ARHGAP22: variants seen among roughly 807,000 people sequenced by gnomAD.
ARHGAP22 encodes the protein Rho GTPase activating protein 22, also known as rho GTPase-activating protein 22.
ARHGAP22 carries 48 observed loss-of-function variants against 59.1 expected under a neutral mutation model. That is an observed-to-expected ratio of 0.81 (90% CI 0.64 to 1.03). The LOEUF is 1.03. Among genes scored for constraint, ARHGAP22 ranks in the 50% least tolerant of loss-of-function variants. The pLI, the probability that ARHGAP22 is intolerant of heterozygous loss-of-function variation, is 0.00. For missense variants in ARHGAP22, 1,015 were observed against 958.7 expected, an observed-to-expected ratio of 1.06 and a Z score of -0.78; for synonymous variants, 445 against 416.4, an observed-to-expected ratio of 1.07 and a Z score of -0.84.
At chr10:48,517,679 G>A (rs1165392080) in intron 3 of ARHGAP22, among the ~76,000 whole-genome samples, 1 of 152,068 alleles carries the variant, frequency 6.6e-6, no homozygotes, top group Non-Finnish European at 1.5e-5. Flanking sequence ...CCGGCTATGT[G>A]CTGTCGAGCC....
At chr10:48,620,677 T>A (rs971629362) in intron 1 of ARHGAP22, among the ~76,000 whole-genome samples, 73 of 152,134 alleles carry the variant, frequency 4.8e-4, no homozygotes, top group African/African-American at 1.6e-3. Flanking sequence ...CATGGGGAGA[T>A]GAACTGGCCC....
chr10:48,585,558 C>G (rs1002261666), intron 1 of ARHGAP22, among the ~76,000 whole-genome samples: 1 of 152,210 alleles, frequency 6.6e-6, no homozygotes. Flanking sequence ...GGCCCCTGCT[C>G]TGGAAGGGGT....
intron 3 of ARHGAP22, among the ~76,000 whole-genome samples, chr10:48,495,638 CT>C (rs144580660): frequency 0.34 from 51,975 of 152,134 alleles, 10,696 homozygotes; most frequent in Middle Eastern, 0.56. Context: ...CCCGGTGAAC[CT>C]TCCTCCTGGT....
upstream of ARHGAP22, among the ~76,000 whole-genome samples, chr10:48,607,736 T>C (rs930914219): frequency 2.6e-5 from 4 of 152,232 alleles, no homozygotes; most frequent in African/African-American, 9.6e-5. Flanking sequence ...CCTTCTCCAC[T>C]GCCCTGTGCC....
intron 2 of ARHGAP22, among the ~76,000 whole-genome samples, chr10:48,580,397 A>G (rs988429033): frequency 6.6e-6 from 1 of 152,170 alleles, no homozygotes; most frequent in African/African-American, 2.4e-5. Context: ...TTCAAGGTTC[A>G]CTATAAGGAA....
At chr10:48,489,065 C>T (rs1413814758) in intron 3 of ARHGAP22, among the ~76,000 whole-genome samples, 44 of 152,198 alleles carry the variant, frequency 2.9e-4, no homozygotes, top group Admixed American at 2.9e-3. Flanking sequence ...ATTTTGAAAG[C>T]ATTGTTTCAA....
rs200823559 is a variant in ARHGAP22 at position 48,602,457 on chromosome 10, G to GA, written c.34+2305dup. Among the ~76,000 whole-genome samples the GA allele has an allele frequency of 3.4e-3, 513 of 151,616 alleles. 1 individual carries two copies. The highest frequency in any genetic ancestry group is 5.7e-3 in the Non-Finnish European group (388 of 67,894). On this transcript the variant is annotated intron_variant, in intron 1 of 9. Transcript: ENST00000249601. Reference sequence around the variant, plus strand: ...TACGAGTTAAAAACAGGTACATCTAGAAAAAAAACCCACTCTAATATAAAA... The same window carrying GA: ...TACGAGTTAAAAACAGGTACATCTAGAAAAAAAAACCCACTCTAATATAAAA...
chr10:48,458,282 G>T (rs1244389029), intron 5 of ARHGAP22, among the ~76,000 whole-genome samples: 1 of 152,082 alleles, frequency 6.6e-6, no homozygotes, highest in Non-Finnish European at 1.5e-5. Flanking sequence ...CATAGGGAAG[G>T]CTGCCCCAGG....
intron 1 of ARHGAP22, among the ~76,000 whole-genome samples, chr10:48,622,514 T>A (rs2061319042): frequency 1.3e-5 from 2 of 152,348 alleles, no homozygotes; most frequent in African/African-American, 4.8e-5. Flanking sequence ...TTTCAATACA[T>A]GTATACAATG....
At chr10:48,492,140 G>A (rs2050462763) in intron 3 of ARHGAP22, among the ~76,000 whole-genome samples, 2 of 152,230 alleles carry the variant, frequency 1.3e-5, no homozygotes, top group African/African-American at 2.4e-5. Context: ...ACTGATATGT[G>A]TGAAAGCATT....
intron 2 of ARHGAP22, among the ~76,000 whole-genome samples, chr10:48,575,925 C>T (rs1010350560): frequency 3.3e-5 from 5 of 152,216 alleles, no homozygotes; most frequent in African/African-American, 1.2e-4. Flanking sequence ...CCAGCCTGGT[C>T]CTGGTCAGCC....
At chr10:48,456,357 C>T (rs914239981) in intron 5 of ARHGAP22, among the ~76,000 whole-genome samples, 19 of 152,178 alleles carry the variant, frequency 1.2e-4, no homozygotes, top group Non-Finnish European at 2.5e-4. Context: ...ACCTGGGGCC[C>T]CTCCTTGCCT....
At chr10:48,617,096 G>GT (rs76435975) in intron 1 of ARHGAP22, among the ~76,000 whole-genome samples, 56,552 of 151,688 alleles carry the variant, frequency 0.37, 11,421 homozygotes, top group African/African-American at 0.54. Flanking sequence ...TAGAAAAAAA[G>GT]TTTTGTAATA....
At chr10:48,531,852 G>GT (rs1263569960) in intron 3 of ARHGAP22, among the ~76,000 whole-genome samples, 1 of 152,204 alleles carries the variant, frequency 6.6e-6, no homozygotes, top group Non-Finnish European at 1.5e-5. Context: ...AAGATGGCCT[G>GT]TGGGACAAAG....
chr10:48,599,520 A>G (rs2060260488), intron 1 of ARHGAP22, among the ~76,000 whole-genome samples: 1 of 152,254 alleles, frequency 6.6e-6, no homozygotes, highest in South Asian at 2.1e-4. Context: ...AGTGTTTGGA[A>G]TAGCCAATCT....
upstream of ARHGAP22, among the ~76,000 whole-genome samples, chr10:48,609,819 T>C (rs1297151044): frequency 6.6e-6 from 1 of 152,220 alleles, no homozygotes; most frequent in Non-Finnish European, 1.5e-5. Flanking sequence ...TACGAGTTTT[T>C]CCTGCCCCCT....
At chr10:48,563,281 C>G (rs981141641) in intron 2 of ARHGAP22, among the ~76,000 whole-genome samples, 1 of 146,440 alleles carries the variant, frequency 6.8e-6, no homozygotes, top group South Asian at 2.2e-4. Context: ...ACAAGCTCCG[C>G]CTCCTGGGTT....
At chr10:48,558,194 G>C (rs938680128) in intron 2 of ARHGAP22, among the ~76,000 whole-genome samples, 1 of 152,188 alleles carries the variant, frequency 6.6e-6, no homozygotes, top group Non-Finnish European at 1.5e-5. Flanking sequence ...GCACCACATG[G>C]ATGCAATGGA....
chr10:48,480,744 C>A (rs1357128286), intron 3 of ARHGAP22, among the ~76,000 whole-genome samples: 8 of 152,258 alleles, frequency 5.3e-5, no homozygotes, highest in Non-Finnish European at 1.2e-4. Flanking sequence ...GAGGAAGGTA[C>A]TATTTCCAAC....
Sources: allele counts gnomAD v4.1 joint callset (sites outside exome capture counted in the v4.1 genomes callset), GRCh38; gene constraint gnomAD v4.1.1; transcripts MANE v1.5; gene names NCBI Gene and HGNC (gene_info 2026-07-23, HGNC 2026-07-21).